The following DOCK4 variants were observed in gnomAD, a reference collection of about 807,000 sequenced individuals.
DOCK4 encodes the protein dedicator of cytokinesis 4, also known as dedicator of cytokinesis protein 4.
DOCK4 carries 97 observed loss-of-function variants against 268.1 expected under a neutral mutation model. The observed-to-expected ratio is 0.36, with a 90% CI of 0.31 to 0.43. DOCK4 has a LOEUF of 0.43. Ranked by LOEUF, DOCK4 falls within the 20% of genes least tolerant of loss-of-function variation. The pLI is 1.00. For missense variants in DOCK4, 2,145 were observed against 2,455.7 expected, an observed-to-expected ratio of 0.87 and a Z score of 2.67; for synonymous variants, 954 against 887.2, an observed-to-expected ratio of 1.08 and a Z score of -1.34.
Position 112,094,822 on chromosome 7 carries a change from C to T in DOCK4, c.38-90691G>A, listed in dbSNP as rs560148110. Among the ~76,000 whole-genome samples, 7 of 152,116 alleles carry T rather than the reference C, an allele frequency of 4.6e-5. No individual in the cohort carries two copies. The East Asian group carries it at 9.7e-4, about 21-fold the overall frequency. On this transcript the variant is annotated intron_variant, in intron 1 of 52. Transcript: ENST00000428084. ...GTGCTGTTCTCATGATAGATATGGT[C>T]GTTTAAAAATGTATGGTACCTCCCT... is the stretch of plus-strand genomic sequence containing the variant.
chr7:111,783,025 A>C lies in DOCK4; in HGVS notation c.3525-101T>G, dbSNP rs905927270. On this transcript the variant is annotated intron_variant, in intron 34 of 52. Transcript: ENST00000428084. ...AAAAAAGAAAGAAAGAAAGAAAAAAAAAAAAAAAGAAGCCACTTTTAGGGA... is the reference window on the plus strand; with the variant it reads ...AAAAAAGAAAGAAAGAAAGAAAAAACAAAAAAAAGAAGCCACTTTTAGGGA... 22 of 1,164,462 alleles carry C rather than the reference A, an allele frequency of 1.9e-5. 2 individuals carry two copies. The highest frequency in any genetic ancestry group is 2.4e-5 in the Non-Finnish European group (20 of 817,332). 72.1% of individuals were successfully genotyped at this position (1,164,462 alleles called of 1,614,324 possible). A position where few individuals can be genotyped will look rare whatever the true frequency, so the allele number is the denominator to read the frequency against.
intron 8 of DOCK4, among the ~76,000 whole-genome samples, chr7:111,969,433 T>C (rs561866263): frequency 1.3e-4 from 17 of 134,754 alleles, no homozygotes; most frequent in African/African-American, 5.5e-4. Context: ...TTTTTTCTAT[T>C]AAAAAAACAA....
Position 111,940,211 on chromosome 7 carries a change from G to T in DOCK4, c.876C>A (p.Ala292=). The T allele has an allele frequency of 1.2e-6, 2 of 1,613,988 alleles. No homozygotes were observed. Among genetic ancestry groups the T allele is most frequent in the East Asian group, 4.5e-5 (2 of 44,884 alleles). ...GRMGAGEKKN[A]CSVQYRRPFG... is the part of the protein sequence containing the mutation. ...AGGGTCGTCGGTACTGGACACTACA[G>T]GCATTCTTTTTTTCTCCTGCTCCCA... The change falls in exon 11 of 53, where the codon GCC becomes GCA. Residue 292 remains alanine (A), a synonymous_variant. Transcript: ENST00000428084.
chr7:111,766,546 C>T (rs1797772314), intron 38 of DOCK4, among the ~76,000 whole-genome samples: 1 of 152,154 alleles, frequency 6.6e-6, no homozygotes, highest in African/African-American at 2.4e-5. Context: ...TACTCAACTC[C>T]TTGAGCTCTT....
intron 21 of DOCK4, 55 bp from the exon 22 acceptor site, chr7:111,868,209 T>C: frequency 1.5e-6 from 2 of 1,354,652 alleles, no homozygotes; most frequent in Non-Finnish European, 2.0e-6. Flanking sequence ...AGTATTTATT[T>C]AGCAATGACA....
intron 12 of DOCK4, among the ~76,000 whole-genome samples, chr7:111,926,438 CAGAGAGAGAG>C (rs71524824): frequency 1.6e-5 from 1 of 62,592 alleles, no homozygotes; most frequent in Non-Finnish European, 3.3e-5. Flanking sequence ...AAAAGAAAGA[CAGAGAGAGAG>C]AGAGAGAGAA....
At chr7:112,115,467 T>G (rs1289143046) in intron 1 of DOCK4, among the ~76,000 whole-genome samples, 1 of 152,230 alleles carries the variant, frequency 6.6e-6, no homozygotes, top group Non-Finnish European at 1.5e-5. Flanking sequence ...ATTTCATTTC[T>G]GTCTTGCAGT....
intron 1 of DOCK4, among the ~76,000 whole-genome samples, chr7:112,176,192 C>G (rs1259840408): frequency 6.6e-6 from 1 of 152,156 alleles, no homozygotes; most frequent in Non-Finnish European, 1.5e-5. Context: ...GGAAGACTGA[C>G]CTTTCTCTTA....
chr7:111,872,659 G>A (rs918855472), intron 17 of DOCK4, 95 bp from the exon 18 acceptor site: 2 of 999,920 alleles, frequency 2.0e-6, no homozygotes, highest in Non-Finnish European at 2.9e-6. Flanking sequence ...CTTAACACAT[G>A]TGGCTCCCCT....
intron 1 of DOCK4, among the ~76,000 whole-genome samples, chr7:112,146,659 G>C (rs971061517): frequency 1.3e-5 from 2 of 152,144 alleles, no homozygotes; most frequent in African/African-American, 2.4e-5. Context: ...CTGAGTCTGG[G>C]GAGGTTAAGG....
intron 8 of DOCK4, among the ~76,000 whole-genome samples, chr7:111,948,588 T>C (rs1028732002): frequency 5.3e-5 from 8 of 151,968 alleles, no homozygotes; most frequent in African/African-American, 1.7e-4. Context: ...GTAGTTTTCT[T>C]TTCTTCTTCT....
chr7:111,849,912 G>A (rs568164143), intron 23 of DOCK4, among the ~76,000 whole-genome samples: 42 of 152,168 alleles, frequency 2.8e-4, no homozygotes, highest in Admixed American at 1.3e-3. Flanking sequence ...GAGGTTCTGT[G>A]GAATAAATTA....
intron 30 of DOCK4, among the ~76,000 whole-genome samples, chr7:111,802,284 GGGCAAA>G (rs1344705901): frequency 6.6e-6 from 1 of 152,034 alleles, no homozygotes; most frequent in Non-Finnish European, 1.5e-5. Flanking sequence ...ATTTCTGTTG[GGGCAAA>G]GGCTCACAAA....
intron 1 of DOCK4, among the ~76,000 whole-genome samples, chr7:112,145,497 A>G (rs189589180): frequency 1.1e-3 from 170 of 152,350 alleles, no homozygotes; most frequent in African/African-American, 4.0e-3. Flanking sequence ...TTATATATTC[A>G]GAGATACAAC....
At chr7:111,935,079 T>C (rs1353188968) in intron 12 of DOCK4, among the ~76,000 whole-genome samples, 1 of 151,910 alleles carries the variant, frequency 6.6e-6, no homozygotes, top group Non-Finnish European at 1.5e-5. Flanking sequence ...CCCGAGTAGC[T>C]GGGATTACAG....
chr7:112,038,533 G>C (rs1056129770), intron 1 of DOCK4, among the ~76,000 whole-genome samples: 1 of 152,150 alleles, frequency 6.6e-6, no homozygotes, highest in Non-Finnish European at 1.5e-5. Flanking sequence ...AATATGCCAA[G>C]TGAGGTCAAG....
intron 12 of DOCK4, among the ~76,000 whole-genome samples, chr7:111,918,777 T>C (rs765512395): frequency 2.6e-5 from 4 of 152,202 alleles, no homozygotes; most frequent in Non-Finnish European, 5.9e-5. Context: ...ATAACAGTTC[T>C]TCCTGCTGGG....
chr7:112,072,765 C>T (rs907535490), intron 1 of DOCK4, among the ~76,000 whole-genome samples: 6 of 152,318 alleles, frequency 3.9e-5, no homozygotes, highest in African/African-American at 1.4e-4. Flanking sequence ...CAGCAGCTTC[C>T]TGATAAGATC....
In DOCK4 at chr7:111,868,601, T is replaced by C. The variant is rs1806166438; in HGVS notation, c.2110-447A>G. Among the ~76,000 whole-genome samples, 3 of 151,848 alleles carry C rather than the reference T, an allele frequency of 2.0e-5. 1 individual carries two copies. Among genetic ancestry groups the C allele is most frequent in the Admixed American group, 2.0e-4 (3 of 15,252 alleles). ...GGCCCATGCCTGTAATCCCAGCTAC[T>C]TGGGAGGCTGAGGCAGGAGAATTGC... On this transcript the variant is annotated intron_variant, in intron 21 of 52. Transcript: ENST00000428084.
Sources: allele counts gnomAD v4.1 joint callset (sites outside exome capture counted in the v4.1 genomes callset), GRCh38; gene constraint gnomAD v4.1.1; transcripts MANE v1.5; gene names NCBI Gene and HGNC (gene_info 2026-07-23, HGNC 2026-07-21).